SYTL5: variants seen among roughly 807,000 people sequenced by gnomAD.
SYTL5 encodes synaptotagmin-like protein 5.
Under a neutral mutation model 55.9 loss-of-function variants are expected in SYTL5, and 34 were observed. That is an observed-to-expected ratio of 0.61 (90% CI 0.46 to 0.81). The LOEUF is 0.81. Ranked by LOEUF, SYTL5 falls within the 30% of genes least tolerant of loss-of-function variation. The probability of loss-of-function intolerance (pLI) is 0.00; values close to 1 mark genes in which losing one functional copy is unlikely to be tolerated. For missense variants in SYTL5, 637 were observed against 546.7 expected (o/e 1.17, Z -1.65); for synonymous variants, 221 against 188.7 (o/e 1.17, Z -1.40).
chrX:38,111,250 C>T (rs1186120228), intron 13 of SYTL5, among the ~76,000 whole-genome samples: 1 of 112,003 alleles, frequency 8.9e-6, no homozygotes, highest in African/African-American at 3.2e-5. Flanking sequence ...GGCTTCATGA[C>T]TGCCCATGTG....
chrX:37,955,533 G>A, the SYTL5 span, among the ~76,000 whole-genome samples: 2 of 111,944 alleles, frequency 1.8e-5, no homozygotes, highest in Admixed American at 9.5e-5. Flanking sequence ...CATATAATTA[G>A]ATGAACATTT....
At chrX:38,058,602 T>C (rs1160686476) in intron 3 of SYTL5, among the ~76,000 whole-genome samples, 1 of 111,368 alleles carries the variant, frequency 9.0e-6, no homozygotes, top group African/African-American at 3.2e-5. Flanking sequence ...TTGGATGTTA[T>C]TAACTTTCAG....
At chrX:37,947,180 G>T in the SYTL5 span, among the ~76,000 whole-genome samples, 1 of 111,076 alleles carries the variant, frequency 9.0e-6, no homozygotes, top group Admixed American at 9.6e-5. Context: ...ATAATCTCTG[G>T]TCAATCAGCT....
chrX:38,053,153 A>G (rs770089804), intron 2 of SYTL5, among the ~76,000 whole-genome samples: 1 of 112,519 alleles, frequency 8.9e-6, no homozygotes, highest in East Asian at 2.8e-4. Context: ...GTAGGTTCTG[A>G]TCCAACAGGG....
At chrX:37,915,740 A>T in the SYTL5 span, among the ~76,000 whole-genome samples, 1 of 111,011 alleles carries the variant, frequency 9.0e-6, no homozygotes, top group African/African-American at 3.3e-5. Context: ...GAACATAAGG[A>T]TGTCATTTTT....
At chrX:38,094,732 A>G (rs1275376083) in intron 8 of SYTL5, among the ~76,000 whole-genome samples, 3 of 111,881 alleles carry the variant, frequency 2.7e-5, no homozygotes, top group African/African-American at 9.7e-5. Flanking sequence ...TCCAGGATAC[A>G]TTTGCTATAA....
intron 1 of SYTL5, among the ~76,000 whole-genome samples, chrX:38,010,189 G>A (rs761775377): frequency 8.9e-6 from 1 of 112,325 alleles, no homozygotes; most frequent in Non-Finnish European, 1.9e-5. Context: ...GGATTAGAAC[G>A]TTTAGTAAAT....
At chrX:38,073,852 G>A (rs1569177540) in intron 5 of SYTL5, among the ~76,000 whole-genome samples, 154 bp downstream of exon 5, 2 of 111,865 alleles carry the variant, frequency 1.8e-5, no homozygotes, top group Non-Finnish European at 3.8e-5. Context: ...TTCTCCTCAG[G>A]AAATGCAGTT....
At chrX:38,036,058 C>T (rs949521423) in intron 2 of SYTL5, among the ~76,000 whole-genome samples, 3 of 111,314 alleles carry the variant, frequency 2.7e-5, no homozygotes, top group African/African-American at 9.8e-5. Flanking sequence ...GTAATCCCAG[C>T]ACTTTGGGAG....
intron 1 of SYTL5, among the ~76,000 whole-genome samples, chrX:38,023,215 A>G (rs1274141094): frequency 8.9e-6 from 1 of 112,118 alleles, no homozygotes; most frequent in Non-Finnish European, 1.9e-5. Context: ...TATTTCCCAC[A>G]AAAGCCAGCA....
intron 3 of SYTL5, among the ~76,000 whole-genome samples, chrX:38,067,649 T>C (rs1466950664): frequency 7.2e-5 from 8 of 111,761 alleles, no homozygotes; most frequent in Non-Finnish European, 1.1e-4. Flanking sequence ...TGAGCATGGA[T>C]ATCTTTCAAT....
chrX:37,960,576 C>A, the SYTL5 span, among the ~76,000 whole-genome samples: 1 of 110,710 alleles, frequency 9.0e-6, no homozygotes, highest in Non-Finnish European at 1.9e-5. Flanking sequence ...CCATATGATA[C>A]CTCATTAGAG....
chrX:37,926,654 G>A, the SYTL5 span, among the ~76,000 whole-genome samples: 17 of 111,488 alleles, frequency 1.5e-4, no homozygotes, highest in African/African-American at 5.5e-4. Flanking sequence ...CTTTACAACT[G>A]CATCATGTCT....
chrX:37,986,645 G>A, the SYTL5 span, among the ~76,000 whole-genome samples: 3 of 111,128 alleles, frequency 2.7e-5, no homozygotes, highest in Non-Finnish European at 3.8e-5. Context: ...TTATTCCCCC[G>A]CTTTGAGAAC....
At chrX:38,088,326 C>T (rs1936707536) in intron 6 of SYTL5, among the ~76,000 whole-genome samples, 1 of 112,005 alleles carries the variant, frequency 8.9e-6, no homozygotes, top group Non-Finnish European at 1.9e-5. Flanking sequence ...GTCCTCATCA[C>T]TATTAACCAC....
At chrX:38,085,540 C>A (rs1320052868) in intron 6 of SYTL5, among the ~76,000 whole-genome samples, 2 of 112,250 alleles carry the variant, frequency 1.8e-5, no homozygotes, top group Non-Finnish European at 3.8e-5. Flanking sequence ...CCTTGGCCAT[C>A]TTTCCTGCAT....
At chrX:37,959,998 G>C in the SYTL5 span, among the ~76,000 whole-genome samples, 6 of 111,675 alleles carry the variant, frequency 5.4e-5, no homozygotes, top group Non-Finnish European at 3.8e-5. Flanking sequence ...AGAGTGGTAG[G>C]TCAAGTTGCA....
At chrX:38,086,343 G>T (rs1174971506) in intron 6 of SYTL5, among the ~76,000 whole-genome samples, 2 of 111,977 alleles carry the variant, frequency 1.8e-5, no homozygotes, top group East Asian at 5.6e-4. Context: ...GCTGTCAGAT[G>T]TGTTTCCCCT....
intron 6 of SYTL5, among the ~76,000 whole-genome samples, chrX:38,086,533 T>C (rs1936664609): frequency 8.9e-6 from 1 of 112,226 alleles, no homozygotes; most frequent in Non-Finnish European, 1.9e-5. Context: ...ATGTATCTCT[T>C]TCTTGCCGGT....
Sources: gnomAD v4.1 joint callset for allele counts (sites outside exome capture counted in the v4.1 genomes callset) on GRCh38, gnomAD v4.1.1 for gene constraint, MANE v1.5 for transcripts, NCBI Gene and HGNC (gene_info 2026-07-23, HGNC 2026-07-21) for gene names.